GRIK2: variants seen among roughly 807,000 people sequenced by gnomAD.
The protein encoded by GRIK2 is glutamate receptor ionotropic, kainate 2.
In GRIK2, 32 loss-of-function variants were observed where a neutral mutation model predicts 100.3. That is an observed-to-expected ratio of 0.32 (90% CI 0.24 to 0.43). GRIK2 has a LOEUF of 0.43. Ranked by LOEUF, GRIK2 falls within the 20% of genes least tolerant of loss-of-function variation. The pLI is 1.00. For missense variants in GRIK2, 843 were observed against 1,114.9 expected, an observed-to-expected ratio of 0.76 and a Z score of 3.47; for synonymous variants, 417 against 389.4, an observed-to-expected ratio of 1.07 and a Z score of -0.83.
chr6:101,446,368 A>C (rs1770377667), intron 2 of GRIK2, among the ~76,000 whole-genome samples: 1 of 151,972 alleles, frequency 6.6e-6, no homozygotes, highest in African/African-American at 2.4e-5. Context: ...GCAGCTCATC[A>C]GTTCATTATT....
At chr6:101,419,012 A>G (rs1200532124) in intron 2 of GRIK2, among the ~76,000 whole-genome samples, 2 of 152,196 alleles carry the variant, frequency 1.3e-5, no homozygotes, top group Non-Finnish European at 2.9e-5. Flanking sequence ...GTAGAGGTGT[A>G]TCTTAACTCT....
intron 13 of GRIK2, chr6:101,927,782 A>G (rs1789998540): frequency 6.6e-6 from 1 of 152,072 alleles, no homozygotes; most frequent in African/African-American, 2.4e-5. Flanking sequence ...TAATTTTTTT[A>G]ATTGATGCTA....
chr6:101,925,070 T>C (rs1412664563), intron 13 of GRIK2, among the ~76,000 whole-genome samples: 1 of 152,158 alleles, frequency 6.6e-6, no homozygotes, highest in African/African-American at 2.4e-5. Context: ...TACAGTGTTA[T>C]GCTCCTGTTT....
intron 14 of GRIK2, among the ~76,000 whole-genome samples, chr6:101,994,010 G>A (rs1353368369): frequency 6.9e-6 from 1 of 145,236 alleles, no homozygotes; most frequent in African/African-American, 2.6e-5. Context: ...ATATACAAAT[G>A]TGTATATAAA....
intron 2 of GRIK2, among the ~76,000 whole-genome samples, chr6:101,562,981 A>G (rs568417822): frequency 6.6e-6 from 1 of 152,192 alleles, no homozygotes; most frequent in African/African-American, 2.4e-5. Flanking sequence ...TATGCTTGCA[A>G]TGGGGCTGTA....
At chr6:101,859,868 G>A (rs1466082094) in intron 11 of GRIK2, among the ~76,000 whole-genome samples, 1 of 152,120 alleles carries the variant, frequency 6.6e-6, no homozygotes, top group Non-Finnish European at 1.5e-5. Context: ...AGGGAGAAAT[G>A]ACCTATGAGT....
At chr6:101,479,990 A>G (rs565968390) in intron 2 of GRIK2, among the ~76,000 whole-genome samples, 2 of 152,196 alleles carry the variant, frequency 1.3e-5, no homozygotes, top group African/African-American at 2.4e-5. Context: ...AGCAACTCAT[A>G]TATCAGCAGA....
At chr6:101,758,396 T>C (rs1777271593) in intron 7 of GRIK2, among the ~76,000 whole-genome samples, 1 of 152,228 alleles carries the variant, frequency 6.6e-6, no homozygotes, top group Admixed American at 6.5e-5. Flanking sequence ...TTTGATATAT[T>C]ATCCTCCTTA....
At chr6:102,060,494 A>G (rs969609260) in intron 16 of GRIK2, among the ~76,000 whole-genome samples, 4 of 150,814 alleles carry the variant, frequency 2.7e-5, no homozygotes, top group Non-Finnish European at 6.0e-5. Flanking sequence ...AAACAGAAGA[A>G]TGAAAACAGG....
rs142293201 is a variant in GRIK2, at chr6:101,591,609, A to G, written c.116-30340A>G. Among the ~76,000 whole-genome samples the G allele has an allele frequency of 6.0e-3, 917 of 152,174 alleles. 11 individuals carry two copies. The highest frequency in any genetic ancestry group is 0.021 in the African/African-American group (879 of 41,532). Reference sequence around the variant, plus strand: ...AGACTGATTTTGATAAGAACAGTATATAATAGTCCCATATTAAAATAGAAG... The same window carrying G: ...AGACTGATTTTGATAAGAACAGTATGTAATAGTCCCATATTAAAATAGAAG... On this transcript the variant is annotated intron_variant, in intron 2 of 16. Transcript: ENST00000369134.
chr6:101,634,974 T>A (rs919279932), intron 4 of GRIK2, among the ~76,000 whole-genome samples: 4 of 152,042 alleles, frequency 2.6e-5, no homozygotes, highest in Non-Finnish European at 4.4e-5. Context: ...TTATTTTATC[T>A]TGCACGTATA....
chr6:101,917,164 T>C (rs979724875), intron 12 of GRIK2, among the ~76,000 whole-genome samples: 2 of 151,722 alleles, frequency 1.3e-5, no homozygotes, highest in Admixed American at 1.3e-4. Flanking sequence ...CTAATAGTAA[T>C]TTCATACCCT....
chr6:101,929,220 AG>A (rs1044286702), intron 14 of GRIK2, among the ~76,000 whole-genome samples: 18 of 152,126 alleles, frequency 1.2e-4, no homozygotes, highest in African/African-American at 3.1e-4. Flanking sequence ...GCTTGTAAAA[AG>A]TTTCTGTCAT....
Position 101,599,587 on chromosome 6 carries a change from T to C in GRIK2, c.116-22362T>C, listed in dbSNP as rs114006345. 1.5e-3 allele frequency among the ~76,000 whole-genome samples: 221 copies of C among 151,862 alleles called. 1 individual carries two copies. The highest frequency in any genetic ancestry group is 5.2e-3 in the African/African-American group (216 of 41,488). On this transcript the variant is annotated intron_variant, in intron 2 of 16. Transcript: ENST00000369134. ...CAGCCTTGCTAGCCTCTATACTTTT[T>C]TATAATAGCCATTCTGACTGGTGTA...
chr6:101,851,566 AATAG>A (rs937462557), intron 10 of GRIK2, among the ~76,000 whole-genome samples: 1 of 152,058 alleles, frequency 6.6e-6, no homozygotes, highest in African/African-American at 2.4e-5. Flanking sequence ...TGATTAGTTT[AATAG>A]ATGTTATTTT....
intron 11 of GRIK2, among the ~76,000 whole-genome samples, chr6:101,868,662 A>T (rs1264479286): frequency 1.3e-5 from 2 of 151,856 alleles, no homozygotes; most frequent in Admixed American, 6.6e-5. Context: ...TTAAAAAATT[A>T]AAAAAAGGAA....
chr6:101,648,464 A>G (rs1781632672), intron 4 of GRIK2, among the ~76,000 whole-genome samples: 1 of 152,224 alleles, frequency 6.6e-6, no homozygotes, highest in East Asian at 1.9e-4. Flanking sequence ...GTTAGGCCAT[A>G]TTACCTTACA....
chr6:101,774,076 C>A (rs1583121059), intron 7 of GRIK2, among the ~76,000 whole-genome samples: 1 of 151,936 alleles, frequency 6.6e-6, no homozygotes, highest in Admixed American at 6.6e-5. Flanking sequence ...TTACAGATGG[C>A]CTTTGCTATA....
At chr6:101,482,632 G>A (rs1264733083) in intron 2 of GRIK2, among the ~76,000 whole-genome samples, 1 of 152,086 alleles carries the variant, frequency 6.6e-6, no homozygotes, top group Non-Finnish European at 1.5e-5. Flanking sequence ...TGTAGAGTAG[G>A]AAAGTTTAAG....
Sources: allele counts gnomAD v4.1 joint callset (sites outside exome capture counted in the v4.1 genomes callset), GRCh38; gene constraint gnomAD v4.1.1; transcripts MANE v1.5; gene names NCBI Gene and HGNC (gene_info 2026-07-23, HGNC 2026-07-21).